ADGRL3: variants seen among roughly 807,000 people sequenced by gnomAD.
The protein encoded by ADGRL3 is adhesion G protein-coupled receptor L3.
Under a neutral mutation model 153.5 loss-of-function variants are expected in ADGRL3, and 62 were observed. The ratio of observed to expected loss-of-function variants is 0.40; its 90% CI spans 0.33 to 0.50. The LOEUF (loss-of-function observed/expected upper bound fraction) is 0.50. Ranked by LOEUF, ADGRL3 falls within the 20% of genes least tolerant of loss-of-function variation. The pLI, the probability that ADGRL3 is intolerant of heterozygous loss-of-function variation, is 0.47. For synonymous variants in ADGRL3, 710 were observed against 672.5 expected (o/e 1.06, Z -0.86); for missense variants, 1,641 against 1,859.4 (o/e 0.88, Z 2.16).
intron 9 of ADGRL3, among the ~76,000 whole-genome samples, chr4:61,820,452 T>G (rs549028872): frequency 1.3e-5 from 2 of 152,320 alleles, no homozygotes; most frequent in South Asian, 2.1e-4. Flanking sequence ...AGAAAAATAG[T>G]CACAGCCTTC....
intron 24 of ADGRL3, among the ~76,000 whole-genome samples, chr4:62,039,268 A>G (rs1310608820): frequency 6.6e-6 from 1 of 152,180 alleles, no homozygotes; most frequent in Non-Finnish European, 1.5e-5. Flanking sequence ...AAACACATCA[A>G]CTGTCAGACT....
At chr4:61,719,215 C>T (rs1433581397) in intron 6 of ADGRL3, among the ~76,000 whole-genome samples, 1 of 151,992 alleles carries the variant, frequency 6.6e-6, no homozygotes, top group Non-Finnish European at 1.5e-5. Context: ...GTAAGGAAAA[C>T]AAATAGGGAA....
In ADGRL3 at chr4:61,778,131, T is replaced by G. The variant is rs1373378587; in HGVS notation, c.1400-35678T>G. On this transcript the variant is annotated intron_variant, in intron 8 of 26. Transcript: ENST00000683033. ...AACTTTGTTTCATGCACAAAATTGT[T>G]AAGTACATTGTATAAAATTACCTTC... 2.6e-5 allele frequency among the ~76,000 whole-genome samples: 4 copies of G among 152,338 alleles called. No homozygotes were observed. In the South Asian group the frequency reaches 8.3e-4, roughly 32 times the overall value.
intron 5 of ADGRL3, among the ~76,000 whole-genome samples, chr4:61,619,513 A>G (rs986877951): frequency 5.0e-5 from 3 of 60,536 alleles, no homozygotes; most frequent in Non-Finnish European, 1.4e-4. Flanking sequence ...GGAGAATGTG[A>G]GATACACACA....
intron 2 of ADGRL3, chr4:61,427,868 G>C (rs1010906978): frequency 6.5e-6 from 1 of 152,702 alleles, no homozygotes. Context: ...AGTCAAAAAC[G>C]CCCATCCAAC....
At chr4:61,903,048 C>G (rs956351689) in intron 11 of ADGRL3, among the ~76,000 whole-genome samples, 1 of 152,040 alleles carries the variant, frequency 6.6e-6, no homozygotes, top group Non-Finnish European at 1.5e-5. Flanking sequence ...GATAGATAAG[C>G]GGATGGAGAT....
At chr4:61,995,973 T>A (rs2099120245) in intron 19 of ADGRL3, among the ~76,000 whole-genome samples, 1 of 152,142 alleles carries the variant, frequency 6.6e-6, no homozygotes, top group African/African-American at 2.4e-5. Context: ...GCTACTTGAT[T>A]TAATGGCTAT....
intron 5 of ADGRL3, among the ~76,000 whole-genome samples, chr4:61,627,258 C>G (rs191653699): frequency 3.7e-4 from 57 of 152,136 alleles, no homozygotes; most frequent in East Asian, 1.9e-4. Flanking sequence ...AAAAAATAAA[C>G]TTACTTTTTT....
chr4:61,451,854 G>A (rs1161604435), intron 2 of ADGRL3, among the ~76,000 whole-genome samples: 1 of 152,156 alleles, frequency 6.6e-6, no homozygotes, highest in Non-Finnish European at 1.5e-5. Flanking sequence ...AATAAGAATA[G>A]AGGTCAGTTT....
At chr4:61,541,346 ATTTT>A (rs3075146) in intron 4 of ADGRL3, among the ~76,000 whole-genome samples, 18 of 103,332 alleles carry the variant, frequency 1.7e-4, no homozygotes, top group Admixed American at 5.5e-4. Context: ...TCTGGTAGAG[ATTTT>A]TTTTTTTTTT....
chr4:61,710,339 A>G (rs1328779447), intron 6 of ADGRL3, among the ~76,000 whole-genome samples: 1 of 152,202 alleles, frequency 6.6e-6, no homozygotes, highest in Non-Finnish European at 1.5e-5. Flanking sequence ...TCCAATCTAG[A>G]ACTTTAAAAT....
At chr4:61,767,604 C>T (rs2097012180) in intron 8 of ADGRL3, among the ~76,000 whole-genome samples, 1 of 152,102 alleles carries the variant, frequency 6.6e-6, no homozygotes, top group South Asian at 2.1e-4. Flanking sequence ...GAGCCTTGGG[C>T]CAGAGTTCCA....
chr4:61,465,739 G>A (rs1230393640), intron 2 of ADGRL3, among the ~76,000 whole-genome samples: 1 of 65,770 alleles, frequency 1.5e-5, no homozygotes, highest in Non-Finnish European at 3.7e-5. Flanking sequence ...ACTGACTCTG[G>A]ATTTTAAAAT....
intron 5 of ADGRL3, among the ~76,000 whole-genome samples, chr4:61,636,330 A>G (rs1030045051): frequency 6.6e-6 from 1 of 152,190 alleles, no homozygotes; most frequent in Non-Finnish European, 1.5e-5. Flanking sequence ...AAATGTTGCA[A>G]TTATCAGTAA....
intron 6 of ADGRL3, among the ~76,000 whole-genome samples, chr4:61,709,171 A>G (rs2095914185): frequency 6.6e-6 from 1 of 152,166 alleles, no homozygotes. Flanking sequence ...TATTGATCTT[A>G]TTATTACACT....
intron 1 of ADGRL3, among the ~76,000 whole-genome samples, chr4:61,316,856 T>A (rs985577387): frequency 3.9e-5 from 6 of 152,248 alleles, no homozygotes; most frequent in African/African-American, 1.4e-4. Context: ...GATACATAAT[T>A]ACATAAGTGT....
chr4:61,694,176 ATTATT>A (rs2095593604), intron 6 of ADGRL3, among the ~76,000 whole-genome samples: 15 of 94,694 alleles, frequency 1.6e-4, no homozygotes, highest in South Asian at 3.2e-4. Flanking sequence ...AAATTTTGTC[ATTATT>A]TTTTTTTTTT....
rs191961023 is a variant in ADGRL3, at chr4:61,732,197, C to T, written c.599-557C>T. ...CATTTTTAATTGTGTGGGTTGCATG[C>T]TCTGTGTGTGTTGTAGCAACGTTGA... On this transcript the variant is annotated intron_variant, in intron 7 of 26. Transcript: ENST00000683033. 3.1e-3 allele frequency among the ~76,000 whole-genome samples: 478 copies of T among 152,012 alleles called. 1 individual carries two copies. The highest frequency in any genetic ancestry group is 5.0e-3 in the Non-Finnish European group (339 of 67,978).
chr4:61,862,601 C>T (rs2098354105), intron 9 of ADGRL3, among the ~76,000 whole-genome samples: 1 of 152,178 alleles, frequency 6.6e-6, no homozygotes, highest in Non-Finnish European at 1.5e-5. Flanking sequence ...GGCTCCTCTG[C>T]TCCAAGTCTC....
Sources: gnomAD v4.1 joint callset for allele counts (sites outside exome capture counted in the v4.1 genomes callset) on GRCh38, gnomAD v4.1.1 for gene constraint, MANE v1.5 for transcripts, NCBI Gene and HGNC (gene_info 2026-07-23, HGNC 2026-07-21) for gene names.